The following NRXN3 variants were observed in gnomAD, a reference collection of about 807,000 sequenced individuals.
NRXN3 encodes the protein neurexin 3.
Under a neutral mutation model 137.6 loss-of-function variants are expected in NRXN3, and 32 were observed. That is an observed-to-expected ratio of 0.23 (90% CI 0.18 to 0.31). The LOEUF is 0.31. Among genes scored for constraint, NRXN3 ranks in the 10% least tolerant of loss-of-function variants. The probability of loss-of-function intolerance (pLI) is 1.00; values close to 1 mark genes in which losing one functional copy is unlikely to be tolerated. For missense variants in NRXN3, 1,574 were observed against 2,062.5 expected (o/e 0.76, Z 4.59); for synonymous variants, 798 against 784.5 (o/e 1.02, Z -0.29).
chr14:79,612,313 C>T (rs2098113026), intron 16 of NRXN3, among the ~76,000 whole-genome samples: 1 of 152,184 alleles, frequency 6.6e-6, no homozygotes, highest in Non-Finnish European at 1.5e-5. Context: ...CATGAGGACT[C>T]TCAGACTCTG....
intron 15 of NRXN3, among the ~76,000 whole-genome samples, chr14:79,156,726 A>G (rs1355686789): frequency 6.6e-6 from 1 of 151,842 alleles, no homozygotes; most frequent in African/African-American, 2.4e-5. Flanking sequence ...AGTCTACAGA[A>G]TCCAAGTAAA....
chr14:78,269,595 C>T (rs551938350), intron 2 of NRXN3, among the ~76,000 whole-genome samples: 1 of 152,284 alleles, frequency 6.6e-6, no homozygotes, highest in South Asian at 2.1e-4. Flanking sequence ...TGGTACATTT[C>T]ATGTTATGTG....
At chr14:78,906,157 T>C (rs2099215639) in intron 10 of NRXN3, among the ~76,000 whole-genome samples, 1 of 152,116 alleles carries the variant, frequency 6.6e-6, no homozygotes, top group South Asian at 2.1e-4. Context: ...TGATACTTAG[T>C]AAAAATGGAG....
At chr14:79,148,768 GC>G (rs1364156506) in intron 15 of NRXN3, among the ~76,000 whole-genome samples, 4 of 151,984 alleles carry the variant, frequency 2.6e-5, no homozygotes, top group East Asian at 2.0e-4. Flanking sequence ...ACATTCTCTG[GC>G]CCCTTCCACA....
intron 4 of NRXN3, among the ~76,000 whole-genome samples, chr14:78,444,778 G>A (rs1030135179): frequency 1.3e-5 from 2 of 151,808 alleles, no homozygotes; most frequent in Non-Finnish European, 2.9e-5. Flanking sequence ...AATGAGCCGG[G>A]CCTCATGGTG....
rs1369178441 is a variant in NRXN3, at chr14:79,861,367, C to G, written c.4119C>G (p.Phe1373Leu). The G allele has an allele frequency of 6.5e-7, 1 of 1,536,098 alleles. No homozygotes were observed. Among genetic ancestry groups the G allele is most frequent in the Non-Finnish European group, 8.7e-7 (1 of 1,146,908 alleles). ...ATAAGAGTCTTTCCACTTCAATCTTCGAAGGTGGCTACAAAGCACATGCGC... is the reference window on the plus strand; with the variant it reads ...ATAAGAGTCTTTCCACTTCAATCTTGGAAGGTGGCTACAAAGCACATGCGC... ...STDKSLSTSI[F>L]EGGYKAHAPK... Residue 1373 changes from phenylalanine to leucine, a missense_variant, in exon 21 of 21, where the codon TTC becomes TTG. Phe to Leu is a conservative substitution (Grantham distance 22). Around this residue, in one of 5 missense-constraint regions of NRXN3, gnomAD observed 320 missense variants for 387.1 expected, o/e 0.83. Coordinates refer to ENST00000335750, the MANE Select transcript of NRXN3 (RefSeq NM_001330195.2). This position sits in a 1 kb window ranked among gnomAD's most constrained non-coding sequence, Gnocchi z 5.4.
chr14:79,497,203 A>G (rs2096775226), intron 16 of NRXN3, among the ~76,000 whole-genome samples: 1 of 152,202 alleles, frequency 6.6e-6, no homozygotes, highest in Admixed American at 6.5e-5. Flanking sequence ...CATGTTGCCT[A>G]TGCTGCTGGT....
intron 19 of NRXN3, among the ~76,000 whole-genome samples, chr14:79,793,275 C>CA (rs143759820): frequency 0.15 from 22,476 of 151,240 alleles, 2,013 homozygotes; most frequent in Middle Eastern, 0.26. Context: ...ACTAAAAATA[C>CA]AAAAAAAAAT....
rs535684185 is a variant in NRXN3, at chr14:78,340,626, C to T, written c.757+42766C>T. ...TCTCGTCTTCCAGGGTCTCTTCTTG[C>T]GGCTCCTCAAACCAGAAAGATGGCC... On this transcript the variant is annotated intron_variant, in intron 4 of 20. Coordinates refer to ENST00000335750, the MANE Select transcript of NRXN3 (RefSeq NM_001330195.2). Among the ~76,000 whole-genome samples, 17 of 152,220 alleles carry T rather than the reference C, an allele frequency of 1.1e-4. No individual in the cohort carries two copies. The East Asian group carries it at 1.5e-3, about 14-fold the overall frequency.
At chr14:78,725,214 T>G (rs2152880994) in intron 8 of NRXN3, among the ~76,000 whole-genome samples, 1 of 152,330 alleles carries the variant, frequency 6.6e-6, no homozygotes, top group African/African-American at 2.4e-5. Context: ...GTTTGAAACC[T>G]CCTGCTGTGG....
chr14:79,319,647 G>A (rs2089609981), intron 15 of NRXN3, among the ~76,000 whole-genome samples: 1 of 152,148 alleles, frequency 6.6e-6, no homozygotes, highest in Non-Finnish European at 1.5e-5. Context: ...CATTCCACTG[G>A]TGATATAGAG....
At chr14:78,905,334 T>C (rs1370447677) in intron 10 of NRXN3, among the ~76,000 whole-genome samples, 3 of 152,114 alleles carry the variant, frequency 2.0e-5, no homozygotes, top group Admixed American at 2.0e-4. Context: ...AAGTCATATG[T>C]TCTTTCTTTG....
intron 10 of NRXN3, among the ~76,000 whole-genome samples, chr14:78,885,197 T>C (rs2099140096): frequency 6.7e-6 from 1 of 148,870 alleles, no homozygotes. Flanking sequence ...ATAAATTATG[T>C]ATGTAAAATA....
At chr14:78,250,837 C>T (rs1385543930) in intron 2 of NRXN3, among the ~76,000 whole-genome samples, 2 of 152,114 alleles carry the variant, frequency 1.3e-5, no homozygotes, top group Admixed American at 6.5e-5. Flanking sequence ...GTGTCTCTGT[C>T]GTGAGATGGA....
intron 15 of NRXN3, among the ~76,000 whole-genome samples, chr14:79,293,607 G>A (rs1225240284): frequency 6.6e-6 from 1 of 152,204 alleles, no homozygotes; most frequent in Non-Finnish European, 1.5e-5. Flanking sequence ...GTTTTGCTGT[G>A]GACTGGGAAA....
chr14:79,588,847 T>A (rs185876556), intron 16 of NRXN3, among the ~76,000 whole-genome samples: 502 of 152,296 alleles, frequency 3.3e-3, no homozygotes, highest in Non-Finnish European at 5.9e-3. Flanking sequence ...TGTTTTGGTA[T>A]AGGCAAGCAA....
chr14:78,826,561 G>T (rs111771805), intron 10 of NRXN3, among the ~76,000 whole-genome samples: 3 of 152,308 alleles, frequency 2.0e-5, no homozygotes, highest in African/African-American at 7.2e-5. Flanking sequence ...CTAAGTGACT[G>T]CACTGGTTGC....
At chr14:79,699,455 C>A (rs1945858905) in intron 19 of NRXN3, among the ~76,000 whole-genome samples, 1 of 151,938 alleles carries the variant, frequency 6.6e-6, no homozygotes, top group Admixed American at 6.6e-5. Context: ...ATGGCTGGTC[C>A]TGTAGTTCTT....
chr14:78,738,974 A>C (rs2152922752), intron 8 of NRXN3, among the ~76,000 whole-genome samples: 1 of 152,334 alleles, frequency 6.6e-6, no homozygotes, highest in African/African-American at 2.4e-5. Context: ...CTGTGAATGC[A>C]GATTAGAATT....
Sources: allele counts gnomAD v4.1 joint callset (sites outside exome capture counted in the v4.1 genomes callset), GRCh38; gene constraint gnomAD v4.1.1; regional missense constraint gnomAD v4.1.1; non-coding constraint Gnocchi (gnomAD v3.1); transcripts MANE v1.5; gene names NCBI Gene and HGNC (gene_info 2026-07-23, HGNC 2026-07-21).